Variants in RNF123 observed in about 807,000 individuals in gnomAD.
The protein encoded by RNF123 is E3 ubiquitin-protein ligase RNF123.
RNF123 carries 86 observed loss-of-function variants against 168.5 expected under a neutral mutation model. The observed-to-expected ratio is 0.51, with a 90% confidence interval of 0.43 to 0.61. The LOEUF is 0.61. Among genes scored for constraint, RNF123 ranks in the 20% least tolerant of loss-of-function variants. The pLI is 0.00. For missense variants in RNF123, 1,419 were observed against 1,729.7 expected (o/e 0.82, Z 3.19); for synonymous variants, 666 against 689.1 (o/e 0.97, Z 0.52).
intron 20 of RNF123, 128 bp downstream of exon 20, chr3:49,702,881 G>T: frequency 7.1e-7 from 1 of 1,417,352 alleles, no homozygotes. Flanking sequence ...CATCCTGCCT[G>T]GTTGAGTCCT....
chr3:49,716,765 G>T (rs984757105), intron 35 of RNF123: 1 of 413,452 alleles, frequency 2.4e-6, no homozygotes, highest in East Asian at 4.4e-5. Flanking sequence ...ACTCCGGAGG[G>T]TGTGCCGTCC....
intron 31 of RNF123, 46 bp downstream of exon 31, chr3:49,714,220 G>A (rs1038979569): frequency 1.1e-5 from 17 of 1,540,358 alleles, no homozygotes; most frequent in Middle Eastern, 1.8e-4. Flanking sequence ...AGGCGGGGGC[G>A]CTTACCTCCT....
chr3:49,718,747 C>T lies in RNF123; in HGVS notation c.3501-1764C>T. The T allele has an allele frequency of 6.2e-7, 1 of 1,613,180 alleles. No individual in the cohort carries two copies. Among genetic ancestry groups the T allele is most frequent in the Non-Finnish European group, 8.5e-7 (1 of 1,180,000 alleles). ...CTCGCGCGCAAAGTCGCGCACGGCG[C>T]TCAGGCCCCGCTGGTGCCAGCGCTG... On this transcript the variant is annotated intron_variant, in intron 35 of 38. Transcript: ENST00000327697.
At chr3:49,704,381 G>T (rs2054469874) in intron 21 of RNF123, among the ~76,000 whole-genome samples, 1 of 152,188 alleles carries the variant, frequency 6.6e-6, no homozygotes, top group Non-Finnish European at 1.5e-5. Context: ...CATCTATGTA[G>T]AATAAAGAAA....
At chr3:49,698,398 C>T (rs2054310636) in intron 7 of RNF123, 42 bp from the exon 8 acceptor site, 3 of 1,559,706 alleles carry the variant, frequency 1.9e-6, no homozygotes, top group Non-Finnish European at 8.8e-7. Context: ...GGCCCAGACC[C>T]TGCCTGCCTC....
intron 3 of RNF123, among the ~76,000 whole-genome samples, chr3:49,694,600 C>T (rs2054231242): frequency 6.6e-6 from 1 of 152,228 alleles, no homozygotes; most frequent in Admixed American, 6.5e-5. Context: ...AGTAGGTTCT[C>T]CCTCCCTGCA....
At position 49,720,858 on chromosome 3, in the gene RNF123, G is replaced by A; in HGVS notation, c.3702G>A (p.Leu1234=). The A allele has an allele frequency of 6.2e-7, 1 of 1,614,158 alleles. No individual in the cohort carries two copies. The highest frequency in any genetic ancestry group is 1.1e-5 in the South Asian group (1 of 91,084). ...AAGTGGAACAGATGCTGGCGCACCTGACCTCTGCATCTGCCCAGGCAGCAG... is the reference window on the plus strand; with the variant it reads ...AAGTGGAACAGATGCTGGCGCACCTAACCTCTGCATCTGCCCAGGCAGCAG... ...LAQVEQMLAH[L]TSASAQAAAA... The change falls in exon 37 of 39, where the codon CTG becomes CTA. Residue 1234 remains leucine, a synonymous_variant. Transcript: ENST00000327697.
rs750317470 is a variant in RNF123, at chr3:49,697,095, C to A, written c.168-48C>A. 3 of 1,487,796 alleles carry A rather than the reference C, an allele frequency of 2.0e-6. No individual in the cohort carries two copies. In the Admixed American group the frequency reaches 5.1e-5, roughly 25 times the overall value. The allele number at this position is 1,487,796 out of a possible 1,614,324, so 92.2% of individuals were successfully genotyped here. On this transcript the variant is annotated intron_variant, in intron 3 of 38. Coordinates refer to ENST00000327697, the MANE Select transcript of RNF123 (RefSeq NM_022064.5). ...AAGGATGGGATTTAGTGTCATCTGG[C>A]TGATTTCAAGGACTTGTGGACCCCT...
intron 3 of RNF123, among the ~76,000 whole-genome samples, chr3:49,696,721 TACA>T (rs1164720788): frequency 6.7e-6 from 1 of 149,664 alleles, no homozygotes; most frequent in Non-Finnish European, 1.5e-5. Flanking sequence ...CTTGGCTTAC[TACA>T]ACCTCTGCCC....
chr3:49,699,744 A>G lies in RNF123; in HGVS notation c.956A>G (p.His319Arg). The G allele has an allele frequency of 1.2e-6, 2 of 1,613,602 alleles. No homozygotes were observed. Among genetic ancestry groups the G allele is most frequent in the Non-Finnish European group, 1.7e-6 (2 of 1,179,966 alleles). The change falls in exon 12 of 39, where the codon CAC becomes CGC. Residue 319 changes from histidine to arginine, a missense_variant. By Grantham distance (29) the His-to-Arg change is conservative. Around this residue, in one of 5 missense-constraint regions of RNF123, gnomAD observed 318 missense variants for 446.6 expected, o/e 0.71. Coordinates refer to ENST00000327697, the MANE Select transcript of RNF123 (RefSeq NM_022064.5). The surrounding 1 kb of genome is among the most constrained non-coding windows in gnomAD (Gnocchi z 4.8). ...GQPTVLLTLA[H>R]IFHHFAPLLR... ...CCCACCGTCCTCCTCACACTGGCCC[A>G]CATCTTCCATCACTTTGCACCGCTT...
intron 35 of RNF123, 115 bp downstream of exon 35, chr3:49,716,592 A>C: frequency 1.1e-6 from 1 of 905,446 alleles, no homozygotes; most frequent in Non-Finnish European, 1.8e-6. Flanking sequence ...CCTCAGCATC[A>C]GGTTTTGAGG....
rs1258809169 is a variant in RNF123, at chr3:49,703,460, G to A, written c.1784G>A (p.Gly595Asp). ...ATCCCGCCCCAGGTCTTCTATAATG[G>A]CAAGGTGGACTACTTTGACCTGCAG... ...AYIPPQVFYN[G>D]KVDYFDLQRL... Residue 595 changes from glycine (G) to aspartate (D), a missense_variant, in exon 21 of 39, where the codon GGC becomes GAC. Physicochemically the swap from Gly to Asp is moderately conservative, Grantham distance 94. Around this residue, in one of 5 missense-constraint regions of RNF123, gnomAD observed 349 missense variants for 344.9 expected, o/e 1.01. Coordinates refer to ENST00000327697, the MANE Select transcript of RNF123 (RefSeq NM_022064.5). 34 of 1,614,004 alleles carry A rather than the reference G, an allele frequency of 2.1e-5. No homozygotes were observed. The highest frequency in any genetic ancestry group is 2.7e-5 in the Non-Finnish European group (32 of 1,179,992).
chr3:49,719,209 T>A, intron 35 of RNF123: 1 of 1,613,184 alleles, frequency 6.2e-7, no homozygotes, highest in Non-Finnish European at 8.5e-7. Flanking sequence ...GGCGCGCAGC[T>A]GGAAGAGGGG....
intron 3 of RNF123, among the ~76,000 whole-genome samples, chr3:49,692,988 C>T (rs932032317): frequency 4.0e-5 from 6 of 151,578 alleles, no homozygotes; most frequent in African/African-American, 9.7e-5. Flanking sequence ...CAGGTATATA[C>T]CCAGCAGTGG....
intron 25 of RNF123, 98 bp downstream of exon 25, chr3:49,706,163 C>A: frequency 1.8e-6 from 2 of 1,094,936 alleles, no homozygotes; most frequent in Non-Finnish European, 2.8e-6. Flanking sequence ...CAGTTCTCAT[C>A]CCCACTCTAG....
At chr3:49,698,392 C>G (rs1222590581) in intron 7 of RNF123, 48 bp from the exon 8 acceptor site, 1 of 1,532,754 alleles carries the variant, frequency 6.5e-7, no homozygotes, top group African/African-American at 1.4e-5. Context: ...GGCTCTGGCC[C>G]AGACCCTGCC....
At chr3:49,691,342 G>A in intron 2 of RNF123, 83 bp from the exon 3 acceptor site, 1 of 1,590,530 alleles carries the variant, frequency 6.3e-7, no homozygotes, top group South Asian at 1.1e-5. Flanking sequence ...GGCTGGCCTA[G>A]GACCAGAAGT....
intron 35 of RNF123, chr3:49,718,695 G>T (rs958696686): frequency 1.2e-6 from 2 of 1,612,866 alleles, no homozygotes; most frequent in Non-Finnish European, 1.7e-6. Flanking sequence ...CGCGGGACGC[G>T]GGTACCTTGA....
rs371665827 is a variant in RNF123, at chr3:49,714,117, C to A, written c.2953C>A (p.Arg985=). 1.2e-6 allele frequency: 2 copies of A among 1,614,078 alleles called. No individual in the cohort carries two copies. The highest frequency in any genetic ancestry group is 1.1e-5 in the South Asian group (1 of 91,082). Residue 985 remains arginine (R), a synonymous_variant, in exon 31 of 39, where the codon CGG becomes AGG. Coordinates refer to ENST00000327697, the MANE Select transcript of RNF123 (RefSeq NM_022064.5). ...RGCGFGYRYT[R]LPHLLKTKLE... is the part of the protein sequence containing the mutation. ...CTGTGGCTTCGGGTACCGCTATACACGGCTGCCACATCTGCTGAAAACCAA... is the reference window on the plus strand; with the variant it reads ...CTGTGGCTTCGGGTACCGCTATACAAGGCTGCCACATCTGCTGAAAACCAA...
Sources: gnomAD v4.1 joint callset for allele counts (sites outside exome capture counted in the v4.1 genomes callset) on GRCh38, gnomAD v4.1.1 for gene constraint, gnomAD v4.1.1 regional missense constraint, Gnocchi (gnomAD v3.1) non-coding constraint, MANE v1.5 for transcripts, NCBI Gene and HGNC (gene_info 2026-07-23, HGNC 2026-07-21) for gene names.